The following RABGAP1L variants were observed in gnomAD, a reference collection of about 807,000 sequenced individuals.
RABGAP1L encodes the protein rab GTPase-activating protein 1-like.
Under a neutral mutation model 137.7 loss-of-function variants are expected in RABGAP1L, and 63 were observed. The observed-to-expected ratio is 0.46, with a 90% CI of 0.37 to 0.56. The LOEUF is 0.56. Ranked by LOEUF, RABGAP1L falls within the 20% of genes least tolerant of loss-of-function variation. The probability of loss-of-function intolerance (pLI) is 0.00; values close to 1 mark genes in which losing one functional copy is unlikely to be tolerated. For synonymous variants in RABGAP1L, 431 were observed against 433.7 expected (o/e 0.99, Z 0.08); for missense variants, 1,095 against 1,244.0 (o/e 0.88, Z 1.80).
At chr1:174,691,891 A>G (rs1449660763) in intron 15 of RABGAP1L, among the ~76,000 whole-genome samples, 2 of 152,146 alleles carry the variant, frequency 1.3e-5, no homozygotes, top group African/African-American at 4.8e-5. Flanking sequence ...ACTAAGGTGA[A>G]GTTTGACAGT....
Position 174,568,559 on chromosome 1 carries a change from AC to A in RABGAP1L, c.1711-68814del, listed in dbSNP as rs1163818633. ...TCCACATTGGCTCATAGTGGGTGAC[AC>A]CTTTGGAAAGGTATTAGGGAAATAA... is the stretch of plus-strand genomic sequence containing the variant. On this transcript the variant is annotated intron_variant, in intron 13 of 25. Coordinates refer to ENST00000681986, the MANE Select transcript of RABGAP1L (RefSeq NM_001366446.1). 1.3e-5 allele frequency among the ~76,000 whole-genome samples: 2 copies of A among 152,194 alleles called. 1 individual carries two copies. Among genetic ancestry groups the A allele is most frequent in the Non-Finnish European group, 2.9e-5 (2 of 68,032 alleles).
chr1:174,632,343 A>G (rs1337527128), intron 13 of RABGAP1L, among the ~76,000 whole-genome samples: 2 of 146,888 alleles, frequency 1.4e-5, no homozygotes, highest in East Asian at 2.0e-4. Context: ...CTTCATTTCA[A>G]CTTTGGTGAA....
chr1:174,800,589 T>C, intron 18 of RABGAP1L: 7 of 1,477,166 alleles, frequency 4.7e-6, no homozygotes, highest in Non-Finnish European at 5.4e-6. Flanking sequence ...GCTTGTTGTC[T>C]CTGGTTTTCT....
At chr1:174,983,437 A>C (rs748737046) in intron 24 of RABGAP1L, among the ~76,000 whole-genome samples, 4 of 152,142 alleles carry the variant, frequency 2.6e-5, no homozygotes, top group Non-Finnish European at 4.4e-5. Context: ...CATTATGTTG[A>C]TGCTCTATTT....
intron 18 of RABGAP1L, among the ~76,000 whole-genome samples, chr1:174,798,758 C>T (rs1028735846): frequency 2.0e-5 from 3 of 152,174 alleles, no homozygotes; most frequent in Admixed American, 1.3e-4. Context: ...CCTTGTTTCT[C>T]TTTGTACCAT....
At chr1:174,536,840 A>G (rs1459048953) in intron 13 of RABGAP1L, among the ~76,000 whole-genome samples, 2 of 152,176 alleles carry the variant, frequency 1.3e-5, no homozygotes, top group Non-Finnish European at 2.9e-5. Flanking sequence ...GACCTTTTAA[A>G]TAATTACTTT....
intron 13 of RABGAP1L, among the ~76,000 whole-genome samples, chr1:174,611,431 C>G (rs1671240688): frequency 6.6e-6 from 1 of 151,450 alleles, no homozygotes; most frequent in Non-Finnish European, 1.5e-5. Context: ...CTTTTGGTAC[C>G]ACTACCATGC....
chr1:174,519,952 TTCTTCATTTCATTATCTCTG>T (rs1220334212), intron 13 of RABGAP1L, among the ~76,000 whole-genome samples: 1 of 152,204 alleles, frequency 6.6e-6, no homozygotes, highest in African/African-American at 2.4e-5. Context: ...ACCATTTCTG[TTCTTCATTTCATTATCTCTG>T]TCTTGCACTA....
intron 13 of RABGAP1L, among the ~76,000 whole-genome samples, chr1:174,526,755 T>C (rs929140261): frequency 1.3e-5 from 2 of 152,112 alleles, no homozygotes; most frequent in Non-Finnish European, 2.9e-5. Flanking sequence ...TTATCAATTT[T>C]TTCTTTTCAA....
chr1:174,853,655 T>G (rs1648767442), intron 19 of RABGAP1L, among the ~76,000 whole-genome samples: 1 of 152,000 alleles, frequency 6.6e-6, no homozygotes, highest in Non-Finnish European at 1.5e-5. Context: ...TGCTTGAACC[T>G]GGGAGGTGGA....
chr1:174,720,774 G>A (rs1291811482), intron 17 of RABGAP1L, among the ~76,000 whole-genome samples: 4 of 152,160 alleles, frequency 2.6e-5, no homozygotes, highest in African/African-American at 9.7e-5. Context: ...AGGGATTGAC[G>A]AGTGAGTGCT....
At chr1:174,712,312 G>A (rs535558297) in intron 17 of RABGAP1L, among the ~76,000 whole-genome samples, 32 of 152,266 alleles carry the variant, frequency 2.1e-4, no homozygotes, top group African/African-American at 7.0e-4. Flanking sequence ...CTTTGGGTCC[G>A]CACTGCCTTT....
intron 13 of RABGAP1L, among the ~76,000 whole-genome samples, chr1:174,397,520 T>C (rs539583309): frequency 1.3e-5 from 2 of 152,266 alleles, no homozygotes; most frequent in East Asian, 3.9e-4. Context: ...AAAAGACTGC[T>C]ACAGCAGGAT....
At chr1:174,454,214 G>T (rs964187789) in intron 13 of RABGAP1L, among the ~76,000 whole-genome samples, 1 of 151,950 alleles carries the variant, frequency 6.6e-6, no homozygotes, top group Admixed American at 6.6e-5. Context: ...AGTGAGCCGA[G>T]ATCGCACCAC....
At chr1:174,532,134 G>C (rs902343060) in intron 13 of RABGAP1L, among the ~76,000 whole-genome samples, 2 of 152,066 alleles carry the variant, frequency 1.3e-5, no homozygotes, top group Admixed American at 1.3e-4. Context: ...CAACTCGACA[G>C]CTGATTAGAG....
intron 1 of RABGAP1L, among the ~76,000 whole-genome samples, chr1:174,213,262 T>G (rs1425550368): frequency 3.9e-5 from 6 of 152,056 alleles, no homozygotes; most frequent in African/African-American, 1.4e-4. Flanking sequence ...CTGTCTCTAC[T>G]AAAAATACAA....
intron 21 of RABGAP1L, among the ~76,000 whole-genome samples, chr1:174,973,979 G>GTTTTTTTTT (rs58500594): frequency 1.4e-4 from 12 of 85,810 alleles, no homozygotes; most frequent in South Asian, 5.1e-4. Flanking sequence ...ATTGTTTTTT[G>GTTTTTTTTT]TTTTTTTTTT....
intron 10 of RABGAP1L, among the ~76,000 whole-genome samples, chr1:174,288,046 A>C (rs1219030790): frequency 6.6e-6 from 1 of 152,120 alleles, no homozygotes; most frequent in African/African-American, 2.4e-5. Flanking sequence ...TATAATTATT[A>C]CATGTTATTT....
chr1:174,768,169 C>G (rs1164441486), intron 18 of RABGAP1L, among the ~76,000 whole-genome samples: 1 of 152,144 alleles, frequency 6.6e-6, no homozygotes, highest in Non-Finnish European at 1.5e-5. Context: ...CTTTCTTTTT[C>G]TTGCCTAATT....
Sources: allele counts gnomAD v4.1 joint callset (sites outside exome capture counted in the v4.1 genomes callset), GRCh38; gene constraint gnomAD v4.1.1; transcripts MANE v1.5; gene names NCBI Gene and HGNC (gene_info 2026-07-23, HGNC 2026-07-21).